Variants in SLC4A7 observed in about 807,000 individuals in gnomAD.
SLC4A7 encodes solute carrier family 4 member 7.
In SLC4A7, 51 loss-of-function variants were observed where a neutral mutation model predicts 137.6. That is an observed-to-expected ratio of 0.37 (90% CI 0.30 to 0.47). The LOEUF (loss-of-function observed/expected upper bound fraction) is 0.47, where lower values mean the gene tolerates loss of function less well. Ranked by LOEUF, SLC4A7 falls within the 20% of genes least tolerant of loss-of-function variation. The pLI is 1.00. For synonymous variants in SLC4A7, 542 were observed against 518.6 expected (o/e 1.05, Z -0.61); for missense variants, 1,247 against 1,525.4 (o/e 0.82, Z 3.04).
intron 1 of SLC4A7, chr3:27,456,928 G>A: frequency 2.0e-6 from 2 of 984,990 alleles, no homozygotes; most frequent in Non-Finnish European, 2.4e-6. Context: ...TTAGTTATAA[G>A]TAAAAATACC....
At chr3:27,455,774 T>C (rs1010989544) in intron 1 of SLC4A7, among the ~76,000 whole-genome samples, 3 of 151,872 alleles carry the variant, frequency 2.0e-5, no homozygotes, top group African/African-American at 7.3e-5. Context: ...GTTACTTGGG[T>C]TGAACCCAGG....
chr3:27,388,428 G>A (rs1242783302), intron 22 of SLC4A7, among the ~76,000 whole-genome samples: 2 of 152,148 alleles, frequency 1.3e-5, no homozygotes, highest in Admixed American at 1.3e-4. Context: ...AGAGGGTACT[G>A]TAATTATCTG....
In SLC4A7 at chr3:27,444,307, T is replaced by A. The variant is rs144724262; in HGVS notation, c.289+4344A>T. 6.6e-5 allele frequency among the ~76,000 whole-genome samples: 10 copies of A among 152,340 alleles called. No individual in the cohort carries two copies. The East Asian group carries it at 1.7e-3, about 26-fold the overall frequency. On this transcript the variant is annotated intron_variant, in intron 3 of 25. Transcript: ENST00000454389. ...TATGAGCCATTATATGTTTTCTTTA[T>A]GTTTCTTCTTGGGTTTTGTTCAGCT...
chr3:27,406,756 C>T (rs1002913579), intron 13 of SLC4A7, among the ~76,000 whole-genome samples: 3 of 152,008 alleles, frequency 2.0e-5, no homozygotes, highest in Non-Finnish European at 4.4e-5. Flanking sequence ...ATGGCAAAAG[C>T]TGGTCTCTAC....
Position 27,431,591 on chromosome 3 carries a change from G to C in SLC4A7, c.857C>G (p.Pro286Arg), listed in dbSNP as rs893277611. 1 of 1,613,988 alleles carries C rather than the reference G, an allele frequency of 6.2e-7. No individual in the cohort carries two copies. The highest frequency in any genetic ancestry group is 1.3e-5 in the African/African-American group (1 of 75,016). ...ASNLSLRGES[P>R]LSLLLGHLLP... ...AAGATGACCAAGAAGAAGAGATAAA[G>C]GTGATTCTCCTCTCAAGGAAAGGTT... The change falls in exon 7 of 26, where the codon CCT becomes CGT. Residue 286 changes from proline to arginine, a missense_variant. Pro to Arg is a moderately radical substitution (Grantham distance 103). Transcript: ENST00000454389.
Position 27,420,739 on chromosome 3 carries a change from A to G in SLC4A7, c.1473T>C (p.His491=), listed in dbSNP as rs1247450908. ...GAGTGGCTATTGATCGTCCAATTTC[A>G]TGGTACTGTGGTGCCTTGCCCGCTG... ...LGPAGKAPQY[H]EIGRSIATLM... Residue 491 remains histidine (H), a synonymous_variant, in exon 10 of 26, where the codon CAT becomes CAC. Coordinates refer to ENST00000454389, the MANE Select transcript of SLC4A7 (RefSeq NM_001321103.2). The G allele has an allele frequency of 1.9e-6, 3 of 1,613,626 alleles. No homozygotes were observed. The highest frequency in any genetic ancestry group is 4.5e-5 in the East Asian group (2 of 44,866).
rs1156950293 is a variant in SLC4A7 at position 27,443,024 on chromosome 3, C to CTTTTTTTT, written c.290-5499_290-5498insAAAAAAAA. 5.3e-3 allele frequency among the ~76,000 whole-genome samples: 544 copies of CTTTTTTTT among 102,024 alleles called. 27 individuals carry two copies. The highest frequency in any genetic ancestry group is 8.3e-3 in the African/African-American group (222 of 26,706). 66.9% of individuals were successfully genotyped at this position (102,024 alleles called of 152,430 possible). A position where few individuals can be genotyped will look rare whatever the true frequency, so the allele number is the denominator to read the frequency against. On this transcript the variant is annotated intron_variant, in intron 3 of 25. Coordinates refer to ENST00000454389, the MANE Select transcript of SLC4A7 (RefSeq NM_001321103.2). ...CACCGCGCTGGGCATTCTCTTTTTT[C>CTTTTTTTT]TTTTTTTCTTTTTTTTTTTTTTTTT...
intron 14 of SLC4A7, among the ~76,000 whole-genome samples, chr3:27,404,097 A>G (rs949605222): frequency 2.6e-5 from 4 of 152,228 alleles, no homozygotes; most frequent in Admixed American, 6.5e-5. Flanking sequence ...AGAGGCTGGG[A>G]GCAGTGGCTC....
chr3:27,455,084 G>C (rs1003430617), intron 1 of SLC4A7, among the ~76,000 whole-genome samples: 3 of 150,114 alleles, frequency 2.0e-5, no homozygotes, highest in Non-Finnish European at 4.4e-5. Flanking sequence ...GTGAAGTCTT[G>C]GGCAAGAGAA....
chr3:27,404,601 A>G (rs2053147098), intron 14 of SLC4A7, among the ~76,000 whole-genome samples: 1 of 152,224 alleles, frequency 6.6e-6, no homozygotes, highest in African/African-American at 2.4e-5. Flanking sequence ...GCTTATCAGC[A>G]TTCAAATCCA....
At chr3:27,377,122 A>G (rs1442088105) in intron 25 of SLC4A7, among the ~76,000 whole-genome samples, 1 of 152,114 alleles carries the variant, frequency 6.6e-6, no homozygotes, top group Admixed American at 6.5e-5. Flanking sequence ...AGGGCAGTAT[A>G]TGGTCAGAAT....
At chr3:27,455,772 G>C (rs2058367414) in intron 1 of SLC4A7, among the ~76,000 whole-genome samples, 1 of 151,628 alleles carries the variant, frequency 6.6e-6, no homozygotes, top group Admixed American at 6.6e-5. Flanking sequence ...CAGTTACTTG[G>C]GTTGAACCCA....
At chr3:27,439,355 T>A (rs1434080865) in intron 3 of SLC4A7, among the ~76,000 whole-genome samples, 1 of 152,194 alleles carries the variant, frequency 6.6e-6, no homozygotes, top group African/African-American at 2.4e-5. Context: ...AGTATGTTTA[T>A]GTCATGAGCC....
At chr3:27,380,271 C>T (rs1183333263) in intron 24 of SLC4A7, among the ~76,000 whole-genome samples, 1 of 148,340 alleles carries the variant, frequency 6.7e-6, no homozygotes. Flanking sequence ...TGCACCACTG[C>T]ACTCCAGCCT....
chr3:27,466,625 C>T (rs899358979), intron 1 of SLC4A7, among the ~76,000 whole-genome samples: 1 of 152,066 alleles, frequency 6.6e-6, no homozygotes, highest in Non-Finnish European at 1.5e-5. Flanking sequence ...GTCAGGAGTT[C>T]GAGACCAGCC....
At chr3:27,437,555 C>CA in intron 3 of SLC4A7, 29 bp from the exon 4 acceptor site, 5 of 1,449,486 alleles carry the variant, frequency 3.4e-6, no homozygotes, top group Non-Finnish European at 4.6e-6. Flanking sequence ...TACATATACT[C>CA]AAATTTTTCC....
Position 27,452,291 on chromosome 3 carries a change from A to G in SLC4A7, c.142+126T>C. On this transcript the variant is annotated intron_variant, in intron 2 of 25. Coordinates refer to ENST00000454389, the MANE Select transcript of SLC4A7 (RefSeq NM_001321103.2). ...TTTCAAATGGCACTCTTCTCAATGTACGCTTTACCTTACAACAATAACAAA... is the reference window on the plus strand; with the variant it reads ...TTTCAAATGGCACTCTTCTCAATGTGCGCTTTACCTTACAACAATAACAAA... The G allele has an allele frequency of 4.9e-6, 3 of 618,328 alleles. No homozygotes were observed. The South Asian group carries it at 6.4e-5, about 13-fold the overall frequency. The allele number at this position is 618,328 out of a possible 1,614,324, so 38.3% of individuals were successfully genotyped here.
intron 23 of SLC4A7, among the ~76,000 whole-genome samples, chr3:27,384,478 C>T (rs1381099259): frequency 6.6e-6 from 1 of 152,122 alleles, no homozygotes. Flanking sequence ...TGGGGCTTAA[C>T]ACTGCATCAC....
intron 16 of SLC4A7, 35 bp from the exon 17 acceptor site, chr3:27,398,388 G>T (rs768967608): frequency 1.0e-5 from 16 of 1,553,524 alleles, no homozygotes; most frequent in Non-Finnish European, 1.4e-5. Flanking sequence ...CAGAATGGGG[G>T]ATTCTTACGT....
Sources: allele counts gnomAD v4.1 joint callset (sites outside exome capture counted in the v4.1 genomes callset), GRCh38; gene constraint gnomAD v4.1.1; transcripts MANE v1.5; gene names NCBI Gene and HGNC (gene_info 2026-07-23, HGNC 2026-07-21).